Variants in H3-3A observed in about 807,000 individuals in gnomAD.
H3-3A encodes the protein histone H3.3.
For missense variants in H3-3A, 7 were observed against 184.0 expected, an observed-to-expected ratio of 0.04 and a Z score of 5.57; for synonymous variants, 49 against 61.4, an observed-to-expected ratio of 0.80 and a Z score of 0.95.
At chr1:226,065,336 G>A (rs1657890447) in intron 2 of H3-3A, among the ~76,000 whole-genome samples, 1 of 151,950 alleles carries the variant, frequency 6.6e-6, no homozygotes, top group South Asian at 2.1e-4. Flanking sequence ...ATTGAGGGGA[G>A]CCAACTTCTT....
At chr1:226,064,582 C>CTT (rs3832021) in intron 2 of H3-3A, 103 bp downstream of exon 2, 46 of 794,494 alleles carry the variant, frequency 5.8e-5, no homozygotes, top group African/African-American at 3.8e-4. Context: ...TTTAGAGAAA[C>CTT]TTTTTTTTTT....
intron 2 of H3-3A, 138 bp from the exon 3 acceptor site, chr1:226,065,518 G>C: frequency 1.7e-6 from 1 of 573,636 alleles, no homozygotes; most frequent in Non-Finnish European, 3.1e-6. Context: ...AAGTTGATCA[G>C]TGAAATTTGA....
In H3-3A at chr1:226,066,118, G is replaced by A. The variant is rs187242044; in HGVS notation, c.282+309G>A. ...TCCTCTGGTTTGGTTTATGGATGCT[G>A]CAGGACATTAAGAAGAACTTGAGAC... On this transcript the variant is annotated intron_variant, in intron 3 of 3. Coordinates refer to ENST00000366815, the MANE Select transcript of H3-3A (RefSeq NM_002107.7). 2.0e-3 allele frequency: 921 copies of A among 468,810 alleles called. 3 individuals carry two copies. The highest frequency in any genetic ancestry group is 2.6e-3 in the Non-Finnish European group (694 of 262,380). The allele number at this position is 468,810 out of a possible 1,614,324, so 29.0% of individuals were successfully genotyped here.
intron 3 of H3-3A, among the ~76,000 whole-genome samples, 191 bp from the exon 4 acceptor site, chr1:226,071,160 G>GT (rs372543488): frequency 2.1e-4 from 32 of 151,918 alleles, no homozygotes; most frequent in Admixed American, 8.5e-4. Context: ...TTAAGCTTTT[G>GT]TTTTTTTTCA....
At chr1:226,064,880 A>G (rs1657872433) in intron 2 of H3-3A, among the ~76,000 whole-genome samples, 1 of 152,144 alleles carries the variant, frequency 6.6e-6, no homozygotes, top group South Asian at 2.1e-4. Flanking sequence ...TGGGTGTTTT[A>G]TAAAGTTCCT....
chr1:226,065,577 G>C, intron 2 of H3-3A, 79 bp from the exon 3 acceptor site: 2 of 1,021,114 alleles, frequency 2.0e-6, no homozygotes, highest in Non-Finnish European at 2.9e-6. Context: ...AAAGATTACT[G>C]CATTTCTTTG....
chr1:226,069,752 G>A (rs1658043376), intron 3 of H3-3A, among the ~76,000 whole-genome samples: 1 of 151,916 alleles, frequency 6.6e-6, no homozygotes, highest in Non-Finnish European at 1.5e-5. Flanking sequence ...AATTGCCTGA[G>A]CTCGGGAGGT....
intron 3 of H3-3A, among the ~76,000 whole-genome samples, chr1:226,070,202 C>G (rs1658063064): frequency 6.6e-6 from 1 of 152,150 alleles, no homozygotes; most frequent in Non-Finnish European, 1.5e-5. Context: ...AACTGCCAGG[C>G]CAGTTGCGGT....
intron 1 of H3-3A, among the ~76,000 whole-genome samples, chr1:226,063,777 T>C (rs1453335738): frequency 6.6e-6 from 1 of 152,074 alleles, no homozygotes; most frequent in Non-Finnish European, 1.5e-5. Context: ...GAATGCTCGC[T>C]GGTGGTAGCT....
intron 2 of H3-3A, 104 bp downstream of exon 2, chr1:226,064,583 T>A: frequency 2.9e-6 from 2 of 697,388 alleles, no homozygotes; most frequent in Non-Finnish European, 4.4e-6. Context: ...TTAGAGAAAC[T>A]TTTTTTTTTC....
chr1:226,065,637 C>A lies in H3-3A; in HGVS notation c.129-19C>A. 6.6e-7 allele frequency: 1 copy of A among 1,522,526 alleles called. No individual in the cohort carries two copies. Among genetic ancestry groups the A allele is most frequent in the East Asian group, 2.3e-5 (1 of 43,870 alleles). 94.3% of individuals were successfully genotyped at this position (1,522,526 alleles called of 1,614,324 possible). ...CTAGTTATGTTTTTGGTAACAGTTT[C>A]TTTATTAATTTTTTAAAGGCCTGGT... On this transcript the variant is annotated intron_variant, in intron 2 of 3. Coordinates refer to ENST00000366815, the MANE Select transcript of H3-3A (RefSeq NM_002107.7).
At position 226,071,315 on chromosome 1, in the gene H3-3A, ACAT is replaced by A. The variant is rs771571890; in HGVS notation, c.283-30_283-28del. On this transcript the variant is annotated intron_variant, in intron 3 of 3. Coordinates refer to ENST00000366815, the MANE Select transcript of H3-3A (RefSeq NM_002107.7). ...AGTTGGGTCTTAACTATTGGAAATAACATCATCAGTAATTTTTTCTTCATTCCT... is the reference window on the plus strand; with the variant it reads ...AGTTGGGTCTTAACTATTGGAAATAACATCAGTAATTTTTTCTTCATTCCT... The A allele has an allele frequency of 2.8e-5, 45 of 1,583,414 alleles. No individual in the cohort carries two copies. The African/African-American group carries it at 5.0e-4, about 18-fold the overall frequency.
At chr1:226,069,298 C>T (rs1238306986) in intron 3 of H3-3A, among the ~76,000 whole-genome samples, 1 of 152,094 alleles carries the variant, frequency 6.6e-6, no homozygotes, top group Non-Finnish European at 1.5e-5. Flanking sequence ...CTGCCTGCCT[C>T]GGCCTCCCAA....
intron 3 of H3-3A, among the ~76,000 whole-genome samples, chr1:226,070,835 T>G (rs1044696044): frequency 6.6e-6 from 1 of 152,168 alleles, no homozygotes. Context: ...AGTACTCTTA[T>G]GATAAAACAG....
upstream of H3-3A, chr1:226,062,589 G>T (rs1240038479): frequency 6.7e-6 from 1 of 148,368 alleles, no homozygotes; most frequent in Non-Finnish European, 1.5e-5. Flanking sequence ...GGGGGGAAGG[G>T]CGGGGGCGGG....
intron 3 of H3-3A, chr1:226,066,107 T>G: frequency 2.0e-6 from 1 of 495,546 alleles, no homozygotes; most frequent in Non-Finnish European, 3.6e-6. Flanking sequence ...CTGGTTTGGT[T>G]TATGGATGCT....
intron 3 of H3-3A, among the ~76,000 whole-genome samples, chr1:226,071,013 A>AT (rs1235913147): frequency 6.6e-6 from 1 of 152,170 alleles, no homozygotes; most frequent in Non-Finnish European, 1.5e-5. Context: ...GTTTATAAGA[A>AT]TGAGAGTGTT....
intron 2 of H3-3A, 69 bp from the exon 3 acceptor site, chr1:226,065,586 TG>T: frequency 8.6e-7 from 1 of 1,160,514 alleles, no homozygotes; most frequent in Non-Finnish European, 1.2e-6. Flanking sequence ...TGCATTTCTT[TG>T]AAGCTGCCCA....
chr1:226,067,068 AATGT>A (rs1657950621), intron 3 of H3-3A: 1 of 152,224 alleles, frequency 6.6e-6, no homozygotes, highest in Admixed American at 6.5e-5. Context: ...TAAATACAGA[AATGT>A]TACTAAGATT....
Sources: gnomAD v4.1 joint callset for allele counts (sites outside exome capture counted in the v4.1 genomes callset) on GRCh38, gnomAD v4.1.1 for gene constraint, MANE v1.5 for transcripts, NCBI Gene and HGNC (gene_info 2026-07-23, HGNC 2026-07-21) for gene names.